Variants in DNMT3A observed in about 807,000 individuals in gnomAD.
DNMT3A encodes the protein DNA (cytosine-5)-methyltransferase 3A.
Under a neutral mutation model 117.6 loss-of-function variants are expected in DNMT3A, and 267 were observed. The ratio of observed to expected loss-of-function variants is 2.27; its 90% CI spans 2.05 to 2.51. The LOEUF is 2.51. Among genes scored for constraint, DNMT3A ranks in the 30% most tolerant of loss-of-function variants. DNMT3A has a pLI of 0.00. For synonymous variants in DNMT3A, 432 were observed against 474.8 expected (o/e 0.91, Z 1.17); for missense variants, 1,029 against 1,260.2 (o/e 0.82, Z 2.78).
At chr2:25,292,985 G>T (rs1022947787) in intron 3 of DNMT3A, among the ~76,000 whole-genome samples, 2 of 150,684 alleles carry the variant, frequency 1.3e-5, no homozygotes, top group Non-Finnish European at 3.0e-5. Context: ...GTGGAGAGAT[G>T]AAAATAAACA....
chr2:25,274,075 G>C (rs2031185053), intron 6 of DNMT3A, among the ~76,000 whole-genome samples: 1 of 152,052 alleles, frequency 6.6e-6, no homozygotes, highest in South Asian at 2.1e-4. Context: ...CAGACTCCAG[G>C]CACCTGGCAT....
intron 6 of DNMT3A, among the ~76,000 whole-genome samples, chr2:25,250,570 C>G (rs1206087826): frequency 6.6e-6 from 1 of 152,230 alleles, no homozygotes; most frequent in East Asian, 1.9e-4. Flanking sequence ...CCATCGCCTC[C>G]TCCCCTACGA....
intron 3 of DNMT3A, among the ~76,000 whole-genome samples, chr2:25,288,702 C>A (rs1244642772): frequency 6.6e-6 from 1 of 152,226 alleles, no homozygotes; most frequent in Non-Finnish European, 1.5e-5. Context: ...TAAGTACACT[C>A]TCATGGTTAT....
intron 1 of DNMT3A, among the ~76,000 whole-genome samples, chr2:25,334,952 A>G (rs1187845603): frequency 1.3e-5 from 2 of 152,360 alleles, no homozygotes; most frequent in South Asian, 4.1e-4. Context: ...TCATTAAGAA[A>G]GTAACTCAAG....
chr2:25,253,133 T>C (rs1478334456), intron 6 of DNMT3A, among the ~76,000 whole-genome samples: 1 of 152,102 alleles, frequency 6.6e-6, no homozygotes, highest in African/African-American at 2.4e-5. Flanking sequence ...CTGACTCCTC[T>C]CCTGGGGCCT....
rs2033741350 is a variant in DNMT3A, at chr2:25,305,587, T to C, written c.73-5344A>G. Among the ~76,000 whole-genome samples, 1 of 152,248 alleles carries C rather than the reference T, an allele frequency of 6.6e-6. No individual in the cohort carries two copies. The highest frequency in any genetic ancestry group is 2.4e-5 in the African/African-American group (1 of 41,458). On this transcript the variant is annotated intron_variant, in intron 2 of 22. Coordinates refer to ENST00000321117, the MANE Select transcript of DNMT3A (RefSeq NM_022552.5). This position sits in a 1 kb window ranked among gnomAD's most constrained non-coding sequence, Gnocchi z 4.1. ...ACACCTGAAGCTCAGAGAGATTATC[T>C]GACTTGCAGGGATCAGAGAGCCAGG... is the stretch of plus-strand genomic sequence containing the variant.
At chr2:25,320,238 A>C (rs2034541381) in intron 1 of DNMT3A, among the ~76,000 whole-genome samples, 1 of 152,358 alleles carries the variant, frequency 6.6e-6, no homozygotes, top group Middle Eastern at 3.4e-3. Flanking sequence ...CATCAGCTAC[A>C]ATGTGCCTAG....
chr2:25,239,188 C>G lies in DNMT3A; in HGVS notation c.2350G>C (p.Glu784Gln). 6.2e-7 allele frequency: 1 copy of G among 1,614,086 alleles called. No individual in the cohort carries two copies. Among genetic ancestry groups the G allele is most frequent in the South Asian group, 1.1e-5 (1 of 91,072 alleles). Residue 784 changes from glutamate to glutamine, a missense_variant, in exon 20 of 23, where the codon GAA becomes CAA. Coordinates refer to ENST00000321117, the MANE Select transcript of DNMT3A (RefSeq NM_022552.5). ...CGGGCCCTGTGTGCAGCTGACACTT[C>G]TTTGGCATCAATCATCACAGGGTTG... ...ESNPVMIDAKEVSAAHRARYF... is the reference protein window; with the variant it reads ...ESNPVMIDAKQVSAAHRARYF...
rs1015442402 is a variant in DNMT3A, at chr2:25,311,128, C to T, written c.72+2785G>A. Among the ~76,000 whole-genome samples, 3 of 1,070 alleles carry T rather than the reference C, an allele frequency of 2.8e-3. No individual in the cohort carries two copies. Among genetic ancestry groups the T allele is most frequent in the Admixed American group, 9.4e-3 (1 of 106 alleles). The allele number at this position is 1,070 out of a possible 152,430, so 0.7% of individuals were successfully genotyped here. The stretch of plus-strand genomic sequence containing the variant: ...AGGTGCATGGAGGCGGGGCTGGGGG[C>T]GGGGGCGGGGAGGGGGGGCGGCGGT... On this transcript the variant is annotated intron_variant, in intron 2 of 22. Transcript: ENST00000321117. The surrounding 1 kb of genome is among the most constrained non-coding windows in gnomAD (Gnocchi z 5.2).
intron 6 of DNMT3A, among the ~76,000 whole-genome samples, chr2:25,260,646 T>C (rs373717040): frequency 5.9e-5 from 9 of 152,132 alleles, no homozygotes; most frequent in African/African-American, 1.9e-4. Context: ...GTCGCATCTG[T>C]AGAGTTGCTA....
rs1369303758 is a variant in DNMT3A, at chr2:25,314,307, C to T, written c.-177-146G>A. ...CCAGCACCCCAGAGAGCAGAGAAAC[C>T]GAGGCAGGCTCCCTTCAGGGCCACC... On this transcript the variant is annotated intron_variant, in intron 1 of 22. Transcript: ENST00000321117. 34 of 1,181,686 alleles carry T rather than the reference C, an allele frequency of 2.9e-5. No homozygotes were observed. In the Middle Eastern group the frequency reaches 1.0e-3, roughly 36 times the overall value. The allele number at this position is 1,181,686 out of a possible 1,614,324, so 73.2% of individuals were successfully genotyped here. A position where few individuals can be genotyped will look rare whatever the true frequency, so the allele number is the denominator to read the frequency against.
chr2:25,333,701 G>A (rs1338298848), intron 1 of DNMT3A, among the ~76,000 whole-genome samples: 1 of 152,194 alleles, frequency 6.6e-6, no homozygotes, highest in East Asian at 1.9e-4. Context: ...CCCTAACCAG[G>A]CAGCCCTGGA....
rs2149377870 is a variant in DNMT3A, at chr2:25,282,065, C to T, written c.448+376G>A. ...TAGAGCTGCAGAAAACTAAGGCCCA[C>T]AACCAGCCACAGAAGGCGATGGAGG... On this transcript the variant is annotated intron_variant, in intron 4 of 22. Transcript: ENST00000321117. This position sits in a 1 kb window ranked among gnomAD's most constrained non-coding sequence, Gnocchi z 5.2. 8.7e-7 allele frequency: 1 copy of T among 1,154,604 alleles called. No homozygotes were observed. Among genetic ancestry groups the T allele is most frequent in the African/African-American group, 1.6e-5 (1 of 62,280 alleles). 71.5% of individuals were successfully genotyped at this position (1,154,604 alleles called of 1,614,324 possible).
chr2:25,338,068 G>C (rs1347318227), intron 1 of DNMT3A, among the ~76,000 whole-genome samples: 1 of 152,216 alleles, frequency 6.6e-6, no homozygotes, highest in Non-Finnish European at 1.5e-5. Flanking sequence ...AGTGGGGCAC[G>C]GGGTGGGGAG....
intron 2 of DNMT3A, among the ~76,000 whole-genome samples, chr2:25,301,912 T>C (rs768796672): frequency 2.0e-5 from 3 of 152,212 alleles, no homozygotes; most frequent in Non-Finnish European, 4.4e-5. Context: ...TTTTCTGTGA[T>C]TGCAAAATAC....
chr2:25,299,087 T>C (rs2033268222), intron 3 of DNMT3A, among the ~76,000 whole-genome samples: 1 of 152,154 alleles, frequency 6.6e-6, no homozygotes, highest in Non-Finnish European at 1.5e-5. Context: ...CCCCCTTACC[T>C]TCTTGCTCCA....
At chr2:25,313,389 C>T (rs1462635091) in intron 2 of DNMT3A, among the ~76,000 whole-genome samples, 1 of 152,146 alleles carries the variant, frequency 6.6e-6, no homozygotes, top group South Asian at 2.1e-4. Context: ...TCACCATCTC[C>T]AAAGTGTGCT....
intron 12 of DNMT3A, among the ~76,000 whole-genome samples, 180 bp downstream of exon 12, chr2:25,245,840 A>G (rs765807191): frequency 6.6e-6 from 1 of 152,236 alleles, no homozygotes; most frequent in Non-Finnish European, 1.5e-5. Flanking sequence ...AGCCCACGCC[A>G]TTGACAGGAG....
At chr2:25,263,288 C>T (rs1676765518) in intron 6 of DNMT3A, among the ~76,000 whole-genome samples, 1 of 152,038 alleles carries the variant, frequency 6.6e-6, no homozygotes, top group Non-Finnish European at 1.5e-5. Context: ...TCCTGGAGTC[C>T]TCCAGAAGCT....
Sources: gnomAD v4.1 joint callset for allele counts (sites outside exome capture counted in the v4.1 genomes callset) on GRCh38, gnomAD v4.1.1 for gene constraint, Gnocchi (gnomAD v3.1) non-coding constraint, MANE v1.5 for transcripts, NCBI Gene and HGNC (gene_info 2026-07-23, HGNC 2026-07-21) for gene names.